Variants in SOCS6 observed in about 807,000 individuals in gnomAD.
SOCS6 encodes suppressor of cytokine signaling 6, also known as STAT induced STAT inhibitor-4.
SOCS6 carries 5 observed loss-of-function variants against 27.7 expected under a neutral mutation model. The ratio of observed to expected loss-of-function variants is 0.18; its 90% CI spans 0.09 to 0.38. SOCS6 has a LOEUF of 0.38. Ranked by LOEUF, SOCS6 falls within the 10% of genes least tolerant of loss-of-function variation. The pLI is 1.00. For missense variants in SOCS6, 595 were observed against 688.1 expected (o/e 0.86, Z 1.51); for synonymous variants, 271 against 260.0 (o/e 1.04, Z -0.41).
At chr18:70,299,989 C>T (rs1367448902) in intron 1 of SOCS6, among the ~76,000 whole-genome samples, 1 of 152,016 alleles carries the variant, frequency 6.6e-6, no homozygotes, top group East Asian at 1.9e-4. Context: ...GGAGCCAATC[C>T]CCCATGAATA....
At chr18:70,303,038 A>G (rs2062355278) in intron 1 of SOCS6, among the ~76,000 whole-genome samples, 1 of 152,192 alleles carries the variant, frequency 6.6e-6, no homozygotes. Context: ...TTTTATTCTT[A>G]TAAAAACACT....
intron 1 of SOCS6, among the ~76,000 whole-genome samples, chr18:70,304,864 C>T (rs937051961): frequency 6.6e-6 from 1 of 152,060 alleles, no homozygotes; most frequent in Non-Finnish European, 1.5e-5. Context: ...GTATTGTGTC[C>T]AGGAACTCTT....
At position 70,325,996 on chromosome 18, in the gene SOCS6, A is replaced by G. The variant is rs760273130; in HGVS notation, c.1328A>G (p.Tyr443Cys). The change falls in exon 2 of 2, where the codon TAT becomes TGT. Residue 443 changes from tyrosine to cysteine, a missense_variant. Tyr to Cys is a radical substitution (Grantham distance 194, BLOSUM62 -2). Around this residue, in one of 2 missense-constraint regions of SOCS6, gnomAD observed 128 missense variants for 207.0 expected, o/e 0.62. Transcript: ENST00000397942. This position sits in a 1 kb window ranked among gnomAD's most constrained non-coding sequence, Gnocchi z 6.3. ...CACTCAAATGGTAGGTTTAGCTTTT[A>G]TGAACAGCCAGATGTGGAAGGACAT... Reference protein sequence around the residue: ...IEHSNGRFSFYEQPDVEGHTS... With the variant: ...IEHSNGRFSFCEQPDVEGHTS... 9.9e-6 allele frequency: 16 copies of G among 1,614,148 alleles called. No individual in the cohort carries two copies.
At chr18:70,296,239 G>A (rs1030275312) in intron 1 of SOCS6, among the ~76,000 whole-genome samples, 3 of 152,062 alleles carry the variant, frequency 2.0e-5, no homozygotes, top group African/African-American at 7.2e-5. Context: ...CTAAGTATTT[G>A]GTGTATGCCT....
chr18:70,303,581 G>T (rs555560531), intron 1 of SOCS6, among the ~76,000 whole-genome samples: 1 of 152,210 alleles, frequency 6.6e-6, no homozygotes, highest in South Asian at 2.1e-4. Context: ...ATCATCTGAG[G>T]TCAGGAGTTT....
At chr18:70,307,626 TG>T (rs962997513) in intron 1 of SOCS6, among the ~76,000 whole-genome samples, 14 of 152,200 alleles carry the variant, frequency 9.2e-5, no homozygotes, top group African/African-American at 3.4e-4. Context: ...TCTAATTTGT[TG>T]GTAAAAGGTG....
At chr18:70,308,394 T>A (rs72967518) in intron 1 of SOCS6, among the ~76,000 whole-genome samples, 21,604 of 151,904 alleles carry the variant, frequency 0.14, 1,580 homozygotes, top group Middle Eastern at 0.24. Flanking sequence ...ATTTTTTTTT[T>A]AATTTTTTGC....
At chr18:70,311,738 T>C (rs938949957) in intron 1 of SOCS6, among the ~76,000 whole-genome samples, 1 of 152,256 alleles carries the variant, frequency 6.6e-6, no homozygotes, top group African/African-American at 2.4e-5. Context: ...TTTAGTTTTA[T>C]AGCTTCTTTC....
chr18:70,318,459 CACTT>C (rs1910850748), intron 1 of SOCS6, among the ~76,000 whole-genome samples: 1 of 152,072 alleles, frequency 6.6e-6, no homozygotes, highest in African/African-American at 2.4e-5. Flanking sequence ...AAGTAGAACA[CACTT>C]AGTACAACTA....
chr18:70,317,045 A>AT (rs1166104200), intron 1 of SOCS6, among the ~76,000 whole-genome samples: 1 of 152,134 alleles, frequency 6.6e-6, no homozygotes, highest in Non-Finnish European at 1.5e-5. Context: ...GAATTTACTT[A>AT]TTTTTTATAA....
chr18:70,322,483 G>A (rs1472445663), intron 1 of SOCS6, among the ~76,000 whole-genome samples: 1 of 152,128 alleles, frequency 6.6e-6, no homozygotes, highest in South Asian at 2.1e-4. Flanking sequence ...TACTTTTACC[G>A]TGGTTGCTAG....
chr18:70,295,277 T>A (rs939814018), intron 1 of SOCS6, among the ~76,000 whole-genome samples: 1 of 152,196 alleles, frequency 6.6e-6, no homozygotes, highest in Non-Finnish European at 1.5e-5. Context: ...TTAGACAAGG[T>A]ATTTTTACCC....
intron 1 of SOCS6, among the ~76,000 whole-genome samples, chr18:70,301,091 A>G (rs2146267438): frequency 6.6e-6 from 1 of 152,316 alleles, no homozygotes; most frequent in African/African-American, 2.4e-5. Flanking sequence ...TGCCTTCAAC[A>G]CAAGCTCAAA....
intron 1 of SOCS6, among the ~76,000 whole-genome samples, chr18:70,296,834 T>A (rs995420046): frequency 6.6e-6 from 1 of 152,194 alleles, no homozygotes; most frequent in Non-Finnish European, 1.5e-5. Flanking sequence ...TATAAACTTA[T>A]GTTTTTCAGT....
intron 1 of SOCS6, among the ~76,000 whole-genome samples, chr18:70,315,376 T>G (rs2062407400): frequency 6.6e-6 from 1 of 152,314 alleles, no homozygotes; most frequent in Middle Eastern, 3.4e-3. Context: ...TAGCTTCTTT[T>G]GGATTTCTGT....
intron 1 of SOCS6, among the ~76,000 whole-genome samples, chr18:70,313,872 A>T (rs1483289870): frequency 1.3e-5 from 2 of 152,048 alleles, no homozygotes; most frequent in African/African-American, 4.8e-5. Context: ...AAAAAGCATT[A>T]TTGATGTTTT....
At chr18:70,296,549 G>A (rs953244978) in intron 1 of SOCS6, 5 of 152,280 alleles carry the variant, frequency 3.3e-5, no homozygotes, top group Non-Finnish European at 7.3e-5. Flanking sequence ...AAGGGCACAA[G>A]GAGAGTCATT....
chr18:70,315,274 T>C (rs972051124), intron 1 of SOCS6, among the ~76,000 whole-genome samples: 2 of 152,184 alleles, frequency 1.3e-5, no homozygotes, highest in African/African-American at 4.8e-5. Flanking sequence ...TTTGGACCTA[T>C]GTCTTTATTG....
At chr18:70,293,266 A>G (rs1266096990) in intron 1 of SOCS6, among the ~76,000 whole-genome samples, 3 of 152,122 alleles carry the variant, frequency 2.0e-5, no homozygotes, top group Non-Finnish European at 4.4e-5. Context: ...TCCTTTTCTG[A>G]GCTGGTCTGC....
Sources: allele counts gnomAD v4.1 joint callset (sites outside exome capture counted in the v4.1 genomes callset), GRCh38; gene constraint gnomAD v4.1.1; regional missense constraint gnomAD v4.1.1; non-coding constraint Gnocchi (gnomAD v3.1); transcripts MANE v1.5; gene names NCBI Gene and HGNC (gene_info 2026-07-23, HGNC 2026-07-21).